OR4K13: variants seen among roughly 807,000 people sequenced by gnomAD.
OR4K13 encodes the protein olfactory receptor 4K13.
For synonymous variants in OR4K13, 160 were observed against 134.8 expected (o/e 1.19, Z -1.30); for missense variants, 403 against 366.0 (o/e 1.10, Z -0.82).
chr14:20,033,796 C>G lies in OR4K13; in HGVS notation c.*48G>C. ...CGAGTTTCTTAAATGTTCAAACAAACAAGAGAGTGTCTCTTCAAAAGTCTC... is the reference window on the plus strand; with the variant it reads ...CGAGTTTCTTAAATGTTCAAACAAAGAAGAGAGTGTCTCTTCAAAAGTCTC... On this transcript the variant is annotated 3_prime_UTR_variant, in exon 2 of 2. Transcript: ENST00000641904. The G allele has an allele frequency of 9.8e-7, 1 of 1,015,246 alleles. No individual in the cohort carries two copies. The highest frequency in any genetic ancestry group is 1.5e-6 in the Non-Finnish European group (1 of 688,486). 62.9% of individuals were successfully genotyped at this position (1,015,246 alleles called of 1,614,324 possible). A position where few individuals can be genotyped will look rare whatever the true frequency, so the allele number is the denominator to read the frequency against.
chr14:20,032,089 C>G lies in OR4K13; in HGVS notation c.*1755G>C, dbSNP rs1877434821. ...CTGATTTGCCTTTTCCTGACTTTGG[C>G]CTGGTAGTGGTGGGTTAACTGTAAG... On this transcript the variant is annotated 3_prime_UTR_variant, in exon 2 of 2. Transcript: ENST00000641904. The G allele has an allele frequency of 1.3e-5, 2 of 152,298 alleles. No homozygotes were observed. The highest frequency in any genetic ancestry group is 4.8e-5 in the African/African-American group (2 of 41,446). 9.4% of individuals were successfully genotyped at this position (152,298 alleles called of 1,614,324 possible).
Position 20,034,803 on chromosome 14 carries a change from G to C in OR4K13, c.-45C>G. The C allele has an allele frequency of 6.8e-7, 1 of 1,464,150 alleles. No individual in the cohort carries two copies. The highest frequency in any genetic ancestry group is 2.3e-5 in the East Asian group (1 of 43,888). 90.7% of individuals were successfully genotyped at this position (1,464,150 alleles called of 1,614,324 possible). ...AATGATCAAAATAAGTGAGAATAAG[G>C]GGTAGGGAAATGATGCATATTGGAA... On this transcript the variant is annotated 5_prime_UTR_variant, in exon 2 of 2. Coordinates refer to ENST00000641904, the MANE Select transcript of OR4K13 (RefSeq NM_001004714.2).
In OR4K13 at chr14:20,034,397, T is replaced by C. The variant is rs541325547; in HGVS notation, c.362A>G (p.Asp121Gly). 2.9e-5 allele frequency: 47 copies of C among 1,614,016 alleles called. No homozygotes were observed. In the South Asian group the frequency reaches 5.1e-4, roughly 17 times the overall value. The change falls in exon 2 of 2, where the codon GAC becomes GGC. Residue 121 changes from aspartate (D) to glycine (G), a missense_variant. Physicochemically the swap from Asp to Gly is moderately conservative, Grantham distance 94 (BLOSUM62 -1). Coordinates refer to ENST00000641904, the MANE Select transcript of OR4K13 (RefSeq NM_001004714.2). ...EMMLLVAMAI[D>G]RYVAICKPLH... ...GGGTTTGCATATGGCAACATACCTG[T>C]CTATTGCCATGGCTACAAGCAACAT...
chr14:20,032,694 G>C lies in OR4K13; in HGVS notation c.*1150C>G, dbSNP rs1180274610. Reference sequence around the variant, plus strand: ...AGAGAAATATGAACAGAGCTAAGAAGGGGGAGATAAACTTGGAATAGAAGC... The same window carrying C: ...AGAGAAATATGAACAGAGCTAAGAACGGGGAGATAAACTTGGAATAGAAGC... On this transcript the variant is annotated 3_prime_UTR_variant, in exon 2 of 2. Coordinates refer to ENST00000641904, the MANE Select transcript of OR4K13 (RefSeq NM_001004714.2). 2 of 152,216 alleles carry C rather than the reference G, an allele frequency of 1.3e-5. No homozygotes were observed. The highest frequency in any genetic ancestry group is 3.8e-4 in the East Asian group (2 of 5,202). 9.4% of individuals were successfully genotyped at this position (152,216 alleles called of 1,614,324 possible). A position where few individuals can be genotyped will look rare whatever the true frequency, so the allele number is the denominator to read the frequency against.
Position 20,033,197 on chromosome 14 carries a change from G to A in OR4K13, c.*647C>T, listed in dbSNP as rs1877464123. The stretch of plus-strand genomic sequence containing the variant: ...GGCTATATCTTCTGGCATTCTGTAG[G>A]CTCACAAAATATGTGAAGAATGGTG... On this transcript the variant is annotated 3_prime_UTR_variant, in exon 2 of 2. Transcript: ENST00000641904. 6.6e-6 allele frequency: 1 copy of A among 152,184 alleles called. No homozygotes were observed. Among genetic ancestry groups the A allele is most frequent in the African/African-American group, 2.4e-5 (1 of 41,426 alleles). The allele number at this position is 152,184 out of a possible 1,614,324, so 9.4% of individuals were successfully genotyped here. A position where few individuals can be genotyped will look rare whatever the true frequency, so the allele number is the denominator to read the frequency against.
rs1241614292 is a variant in OR4K13 at position 20,034,057 on chromosome 14, AGAG to A, written c.699_701del (p.Ser234del). The A allele has an allele frequency of 1.2e-6, 2 of 1,614,072 alleles. No homozygotes were observed. The highest frequency in any genetic ancestry group is 2.7e-5 in the African/African-American group (2 of 74,940). On this transcript the variant is annotated inframe_deletion, in exon 2 of 2. Coordinates refer to ENST00000641904, the MANE Select transcript of OR4K13 (RefSeq NM_001004714.2). ...GAGCTGAGAGAGTGGAGAAAGCCTTAGAGGATCGACTAGCAGCACGGTACCTAA... is the reference window on the plus strand; with the variant it reads ...GAGCTGAGAGAGTGGAGAAAGCCTTAGATCGACTAGCAGCACGGTACCTAA...
chr14:20,035,808 C>G (rs541675650), intron 1 of OR4K13, 130 bp downstream of exon 1: 1 of 151,958 alleles, frequency 6.6e-6, no homozygotes, highest in Non-Finnish European at 1.5e-5. Context: ...TTATTACAAA[C>G]TGGTTCTATT....
In OR4K13 at chr14:20,030,652, T is replaced by G. The variant is rs1877394312; in HGVS notation, c.*3192A>C. 6.6e-6 allele frequency: 1 copy of G among 152,214 alleles called. No homozygotes were observed. The highest frequency in any genetic ancestry group is 1.5e-5 in the Non-Finnish European group (1 of 68,042). 9.4% of individuals were successfully genotyped at this position (152,214 alleles called of 1,614,324 possible). A position where few individuals can be genotyped will look rare whatever the true frequency, so the allele number is the denominator to read the frequency against. On this transcript the variant is annotated 3_prime_UTR_variant, in exon 2 of 2. Transcript: ENST00000641904. ...GTCTTCCTACTACTTTCCCTTAATTTTAACCCTGGGATCCCCTTAAATAGA... is the reference window on the plus strand; with the variant it reads ...GTCTTCCTACTACTTTCCCTTAATTGTAACCCTGGGATCCCCTTAAATAGA...
chr14:20,035,767 A>G (rs1877553318), intron 1 of OR4K13, 171 bp downstream of exon 1: 1 of 152,090 alleles, frequency 6.6e-6, no homozygotes, highest in African/African-American at 2.4e-5. Context: ...TATAATCTAA[A>G]TTTATGACAA....
Position 20,032,727 on chromosome 14 carries a change from T to C in OR4K13, c.*1117A>G, listed in dbSNP as rs1299317101. ...TAAACTTGGAATAGAAGCAGTACAATGTACAAGTTGGGACAGGAATGGTCT... is the reference window on the plus strand; with the variant it reads ...TAAACTTGGAATAGAAGCAGTACAACGTACAAGTTGGGACAGGAATGGTCT... On this transcript the variant is annotated 3_prime_UTR_variant, in exon 2 of 2. Transcript: ENST00000641904. The C allele has an allele frequency of 1.3e-5, 2 of 152,190 alleles. No individual in the cohort carries two copies. Among genetic ancestry groups the C allele is most frequent in the African/African-American group, 4.8e-5 (2 of 41,450 alleles). 9.4% of individuals were successfully genotyped at this position (152,190 alleles called of 1,614,324 possible). A position where few individuals can be genotyped will look rare whatever the true frequency, so the allele number is the denominator to read the frequency against.
Position 20,033,073 on chromosome 14 carries a change from G to C in OR4K13, c.*771C>G, listed in dbSNP as rs369538271. On this transcript the variant is annotated 3_prime_UTR_variant, in exon 2 of 2. Transcript: ENST00000641904. Reference sequence around the variant, plus strand: ...GAGATGCCATTCCTGCACTCTCAAAGCACCCTGTCCATCATGTAACAGTGC... The same window carrying C: ...GAGATGCCATTCCTGCACTCTCAAACCACCCTGTCCATCATGTAACAGTGC... 6.6e-6 allele frequency: 1 copy of C among 152,216 alleles called. No individual in the cohort carries two copies. The highest frequency in any genetic ancestry group is 2.4e-5 in the African/African-American group (1 of 41,438). 9.4% of individuals were successfully genotyped at this position (152,216 alleles called of 1,614,324 possible).
rs775856609 is a variant in OR4K13 at position 20,034,488 on chromosome 14, T to C, written c.271A>G (p.Thr91Ala). Residue 91 changes from threonine to alanine, a missense_variant, in exon 2 of 2, where the codon ACC (threonine) becomes GCC (alanine). Thr to Ala is a moderately conservative substitution (Grantham distance 58). Coordinates refer to ENST00000641904, the MANE Select transcript of OR4K13 (RefSeq NM_001004714.2). ...MIVDFLRERK[T>A]ISWWGCYSQM... ...GAATAACATCCCCACCATGAGATGGTCTTACGTTCTCGGAGGAAATCTACA... is the reference window on the plus strand; with the variant it reads ...GAATAACATCCCCACCATGAGATGGCCTTACGTTCTCGGAGGAAATCTACA... 3 of 1,613,744 alleles carry C rather than the reference T, an allele frequency of 1.9e-6. No individual in the cohort carries two copies. Among genetic ancestry groups the C allele is most frequent in the Non-Finnish European group, 2.5e-6 (3 of 1,179,952 alleles).
rs1031428366 is a variant in OR4K13 at position 20,034,979 on chromosome 14, T to C, written c.-221A>G. 4 of 494,808 alleles carry C rather than the reference T, an allele frequency of 8.1e-6. No homozygotes were observed. The highest frequency in any genetic ancestry group is 5.3e-4 in the Middle Eastern group (1 of 1,894). 30.7% of individuals were successfully genotyped at this position (494,808 alleles called of 1,614,324 possible). On this transcript the variant is annotated splice_region_variant and 5_prime_UTR_variant, in exon 2 of 2. Coordinates refer to ENST00000641904, the MANE Select transcript of OR4K13 (RefSeq NM_001004714.2). The stretch of plus-strand genomic sequence containing the variant: ...TAGTCAGTAGAATTCAGAATATAAG[T>C]TTCTGGAAGACAAAAATAAAAACAT...
At position 20,032,771 on chromosome 14, in the gene OR4K13, T is replaced by C. The variant is rs72667689; in HGVS notation, c.*1073A>G. 53,529 of 151,822 alleles carry C rather than the reference T, an allele frequency of 0.35. 11,479 individuals carry two copies. Among genetic ancestry groups the C allele is most frequent in the Non-Finnish European group, 0.48 (32,201 of 67,790 alleles). The allele number at this position is 151,822 out of a possible 1,614,324, so 9.4% of individuals were successfully genotyped here. On this transcript the variant is annotated 3_prime_UTR_variant, in exon 2 of 2. Coordinates refer to ENST00000641904, the MANE Select transcript of OR4K13 (RefSeq NM_001004714.2). ...ATGGTCTATGCTTACTTTTTTTCCTTCCTGTCTCTCTTTTAAATTTCAGCA... is the reference window on the plus strand; with the variant it reads ...ATGGTCTATGCTTACTTTTTTTCCTCCCTGTCTCTCTTTTAAATTTCAGCA...
Position 20,030,705 on chromosome 14 carries a change from G to C in OR4K13, c.*3139C>G, listed in dbSNP as rs1396727565. The C allele has an allele frequency of 1.3e-5, 2 of 152,230 alleles. No homozygotes were observed. The highest frequency in any genetic ancestry group is 2.9e-5 in the Non-Finnish European group (2 of 68,070). The allele number at this position is 152,230 out of a possible 1,614,324, so 9.4% of individuals were successfully genotyped here. On this transcript the variant is annotated 3_prime_UTR_variant, in exon 2 of 2. Coordinates refer to ENST00000641904, the MANE Select transcript of OR4K13 (RefSeq NM_001004714.2). The stretch of plus-strand genomic sequence containing the variant: ...GTTTGCAGAACAAACATTTAGCTGG[G>C]CAGAGACAAGGATAATTCTAAAGTG...
intron 1 of OR4K13, among the ~76,000 whole-genome samples, chr14:20,035,202 G>C (rs568833811): frequency 2.7e-4 from 41 of 152,048 alleles, no homozygotes; most frequent in African/African-American, 9.9e-4. Context: ...CTATGAATAA[G>C]ATAATGATTC....
rs1353983358 is a variant in OR4K13 at position 20,034,262 on chromosome 14, A to C, written c.497T>G (p.Leu166Trp). The C allele has an allele frequency of 1.9e-6, 3 of 1,614,072 alleles. No homozygotes were observed. The highest frequency in any genetic ancestry group is 2.5e-6 in the Non-Finnish European group (3 of 1,180,038). The change falls in exon 2 of 2, where the codon TTG becomes TGG. Residue 166 changes from leucine to tryptophan, a missense_variant. Transcript: ENST00000641904. Reference protein sequence around the residue: ...SSSQMAFMLTLPFCGPNVIDS... With the variant: ...SSSQMAFMLTWPFCGPNVIDS... ...TATAACATTGGGACCACAGAAGGGC[A>C]AAGTCAACATGAAAGCCATTTGACT...
Position 20,034,571 on chromosome 14 carries a change from A to G in OR4K13, c.188T>C (p.Leu63Pro). ...SLLHTPMYFL[L>P]SNLSCIDMIL... ...CATATCAATGCAGGAGAGGTTGCTA[A>G]GCAGAAAATACATTGGTGTGTGAAG... is the stretch of plus-strand genomic sequence containing the variant. Residue 63 changes from leucine to proline, a missense_variant, in exon 2 of 2, where the codon CTT becomes CCT. Coordinates refer to ENST00000641904, the MANE Select transcript of OR4K13 (RefSeq NM_001004714.2). 1.9e-6 allele frequency: 3 copies of G among 1,614,064 alleles called. No homozygotes were observed. The highest frequency in any genetic ancestry group is 2.5e-6 in the Non-Finnish European group (3 of 1,179,994).
chr14:20,033,796 CAA>C lies in OR4K13; in HGVS notation c.*46_*47del, dbSNP rs763894070. 2.0e-6 allele frequency: 2 copies of C among 1,015,246 alleles called. No individual in the cohort carries two copies. Among genetic ancestry groups the C allele is most frequent in the Non-Finnish European group, 1.5e-6 (1 of 688,486 alleles). The allele number at this position is 1,015,246 out of a possible 1,614,324, so 62.9% of individuals were successfully genotyped here. A position where few individuals can be genotyped will look rare whatever the true frequency, so the allele number is the denominator to read the frequency against. On this transcript the variant is annotated 3_prime_UTR_variant, in exon 2 of 2. Coordinates refer to ENST00000641904, the MANE Select transcript of OR4K13 (RefSeq NM_001004714.2). ...CGAGTTTCTTAAATGTTCAAACAAA[CAA>C]GAGAGTGTCTCTTCAAAAGTCTCAT...
Sources: gnomAD v4.1 joint callset for allele counts (sites outside exome capture counted in the v4.1 genomes callset) on GRCh38, gnomAD v4.1.1 for gene constraint, MANE v1.5 for transcripts, NCBI Gene and HGNC (gene_info 2026-07-23, HGNC 2026-07-21) for gene names.